Variants in FER observed in about 807,000 individuals in gnomAD.
The protein encoded by FER is FER tyrosine kinase, also known as tyrosine-protein kinase Fer.
Under a neutral mutation model 111.0 loss-of-function variants are expected in FER, and 63 were observed. The observed-to-expected ratio is 0.57, with a 90% CI of 0.46 to 0.70. The LOEUF (loss-of-function observed/expected upper bound fraction) is 0.70, where lower values mean the gene tolerates loss of function less well. Among genes scored for constraint, FER ranks in the 30% least tolerant of loss-of-function variants. The probability of loss-of-function intolerance (pLI) is 0.00; values close to 1 mark genes in which losing one functional copy is unlikely to be tolerated. For synonymous variants in FER, 327 were observed against 313.9 expected (o/e 1.04, Z -0.44); for missense variants, 914 against 954.0 (o/e 0.96, Z 0.55).
Position 109,062,692 on chromosome 5 carries a change from T to C in FER, c.1924+15494T>C, listed in dbSNP as rs1774582003. Among the ~76,000 whole-genome samples, 11 of 152,252 alleles carry C rather than the reference T, an allele frequency of 7.2e-5. No homozygotes were observed. The South Asian group carries it at 2.3e-3, about 32-fold the overall frequency. ...CTTAACCTCCAAGTACAATAACACCTGTGCTGACTCTGGGAAAGCTGGTTA... is the reference window on the plus strand; with the variant it reads ...CTTAACCTCCAAGTACAATAACACCCGTGCTGACTCTGGGAAAGCTGGTTA... On this transcript the variant is annotated intron_variant, in intron 16 of 19. Transcript: ENST00000281092.
At chr5:109,174,034 G>A (rs189344489) in intron 17 of FER, among the ~76,000 whole-genome samples, 1 of 152,298 alleles carries the variant, frequency 6.6e-6, no homozygotes, top group East Asian at 1.9e-4. Context: ...GTTCTTCAAA[G>A]AGAGAGAACA....
intron 5 of FER, among the ~76,000 whole-genome samples, chr5:108,857,392 C>T (rs1402392400): frequency 6.6e-6 from 1 of 151,910 alleles, no homozygotes; most frequent in Non-Finnish European, 1.5e-5. Flanking sequence ...GTTGTTGGTG[C>T]TTTATATCAG....
chr5:109,124,030 A>C (rs892341554), intron 17 of FER, among the ~76,000 whole-genome samples: 12 of 152,068 alleles, frequency 7.9e-5, no homozygotes, highest in African/African-American at 2.7e-4. Flanking sequence ...TTTGAGTCTA[A>C]CCTGAGCAAC....
chr5:108,865,754 C>T (rs569289587), intron 5 of FER, among the ~76,000 whole-genome samples: 1 of 152,244 alleles, frequency 6.6e-6, no homozygotes, highest in East Asian at 1.9e-4. Flanking sequence ...AAACAAACAA[C>T]CCCATCAAAA....
intron 16 of FER, among the ~76,000 whole-genome samples, chr5:109,095,554 G>A (rs764290690): frequency 8.6e-5 from 13 of 151,920 alleles, no homozygotes; most frequent in Non-Finnish European, 1.5e-4. Flanking sequence ...TGTTTGCATC[G>A]GTCCTCTCCT....
At chr5:108,854,946 C>CAA (rs34850507) in intron 5 of FER, among the ~76,000 whole-genome samples, 1,795 of 36,650 alleles carry the variant, frequency 0.049, 364 homozygotes, top group Non-Finnish European at 0.07. Context: ...GACCCTGTCT[C>CAA]AAAAAAAAAA....
Position 108,897,851 on chromosome 5 carries a change from A to C in FER, c.1236+3A>C. 6.2e-7 allele frequency: 1 copy of C among 1,601,504 alleles called. No homozygotes were observed. The highest frequency in any genetic ancestry group is 8.5e-7 in the Non-Finnish European group (1 of 1,175,234). ...ATGCACGATCAGTTACATCTATGGT[A>C]AGCTAAAGAATAATCCAATGAGAAA... On this transcript the variant is annotated splice_donor_region_variant and intron_variant, in intron 10 of 19. Transcript: ENST00000281092.
At chr5:109,122,783 A>G (rs916385301) in intron 17 of FER, among the ~76,000 whole-genome samples, 8 of 152,120 alleles carry the variant, frequency 5.3e-5, no homozygotes, top group East Asian at 1.9e-4. Flanking sequence ...ATTGTTATAT[A>G]TCTTGCTGAA....
chr5:109,139,035 T>G (rs1344003181), intron 17 of FER, among the ~76,000 whole-genome samples: 1 of 152,112 alleles, frequency 6.6e-6, no homozygotes, highest in Admixed American at 6.5e-5. Flanking sequence ...ATTTGACATT[T>G]GCTTTTGGAC....
At chr5:109,167,746 C>G (rs762871330) in intron 17 of FER, among the ~76,000 whole-genome samples, 4 of 152,052 alleles carry the variant, frequency 2.6e-5, no homozygotes, top group African/African-American at 7.2e-5. Context: ...TAGTTCTGCC[C>G]CAGTGTAACC....
intron 17 of FER, among the ~76,000 whole-genome samples, chr5:109,178,499 G>A (rs565375625): frequency 1.3e-5 from 2 of 152,308 alleles, no homozygotes; most frequent in East Asian, 3.9e-4. Flanking sequence ...CACGACTAAA[G>A]TGTTGCAGTG....
intron 13 of FER, among the ~76,000 whole-genome samples, chr5:108,992,427 G>T (rs1434759984): frequency 6.6e-6 from 1 of 151,886 alleles, no homozygotes; most frequent in Admixed American, 6.6e-5. Flanking sequence ...AGGCAGAGGG[G>T]CTCCTCACTT....
At chr5:109,163,052 C>A (rs947318737) in intron 17 of FER, among the ~76,000 whole-genome samples, 1 of 152,046 alleles carries the variant, frequency 6.6e-6, no homozygotes, top group African/African-American at 2.4e-5. Context: ...GTCACTGTAG[C>A]TTAGATGTTT....
intron 13 of FER, among the ~76,000 whole-genome samples, chr5:109,006,887 GATACTAAGAGCACAAT>G (rs1765567735): frequency 6.6e-6 from 1 of 152,080 alleles, no homozygotes; most frequent in South Asian, 2.1e-4. Flanking sequence ...GCAATATATT[GATACTAAGAGCACAAT>G]TCTGGAGGAA....
chr5:108,874,558 T>A (rs1412214410), intron 8 of FER, among the ~76,000 whole-genome samples: 1 of 151,966 alleles, frequency 6.6e-6, no homozygotes, highest in East Asian at 1.9e-4. Flanking sequence ...ATAAGGTAAT[T>A]CCATTAAAAC....
intron 1 of FER, among the ~76,000 whole-genome samples, chr5:108,760,597 A>G (rs1207662219): frequency 6.6e-6 from 1 of 152,130 alleles, no homozygotes; most frequent in African/African-American, 2.4e-5. Flanking sequence ...TTGCACTTTT[A>G]TGTTGAGATA....
chr5:109,125,412 A>G (rs1035265524), intron 17 of FER, among the ~76,000 whole-genome samples: 1 of 152,228 alleles, frequency 6.6e-6, no homozygotes, highest in Non-Finnish European at 1.5e-5. Flanking sequence ...TAAGTTTACT[A>G]AATTTTTCTT....
At chr5:108,952,150 G>A (rs573912742) in intron 11 of FER, among the ~76,000 whole-genome samples, 14 of 152,076 alleles carry the variant, frequency 9.2e-5, no homozygotes, top group African/African-American at 3.4e-4. Context: ...TAAAAAGGAG[G>A]CTTTGCTCCT....
intron 13 of FER, among the ~76,000 whole-genome samples, chr5:109,028,709 C>T (rs780260545): frequency 6.6e-5 from 10 of 152,134 alleles, no homozygotes; most frequent in African/African-American, 1.4e-4. Flanking sequence ...GATTTATTGT[C>T]GCAAAAGACT....
Sources: gnomAD v4.1 joint callset for allele counts (sites outside exome capture counted in the v4.1 genomes callset) on GRCh38, gnomAD v4.1.1 for gene constraint, MANE v1.5 for transcripts, NCBI Gene and HGNC (gene_info 2026-07-23, HGNC 2026-07-21) for gene names.